The following PCDHGB2 variants were observed in gnomAD, a reference collection of about 807,000 sequenced individuals.
PCDHGB2 encodes protocadherin gamma subfamily B, 2.
A neutral mutation model predicts 59.3 loss-of-function variants in PCDHGB2; 55 were observed. The ratio of observed to expected loss-of-function variants is 0.93; its 90% confidence interval spans 0.75 to 1.16. The LOEUF is 1.16. Ranked by LOEUF, PCDHGB2 falls within the 50% of genes most tolerant of loss-of-function variation. PCDHGB2 has a pLI of 0.00. For synonymous variants in PCDHGB2, 516 were observed against 512.0 expected, an observed-to-expected ratio of 1.01 and a Z score of -0.11; for missense variants, 1,228 against 1,198.5, an observed-to-expected ratio of 1.02 and a Z score of -0.36.
chr5:141,402,807 T>G, intron 1 of PCDHGB2: 2 of 1,165,464 alleles, frequency 1.7e-6, no homozygotes, highest in Non-Finnish European at 2.3e-6. Flanking sequence ...ACCCGGCAGA[T>G]ACCACAAACC....
At chr5:141,424,715 G>A (rs1299933373) in intron 1 of PCDHGB2, 1 of 152,132 alleles carries the variant, frequency 6.6e-6, no homozygotes, top group Admixed American at 6.6e-5. Flanking sequence ...TTTCAGTGTA[G>A]TTGGGAGTCA....
At chr5:141,415,282 G>A in intron 1 of PCDHGB2, 1 of 1,614,224 alleles carries the variant, frequency 6.2e-7, no homozygotes, top group Non-Finnish European at 8.5e-7. Flanking sequence ...AGCGGTGGCC[G>A]CGGTCTCCTG....
Position 141,505,488 on chromosome 5 carries a change from G to A in PCDHGB2, c.2569+7G>A. On this transcript the variant is annotated splice_region_variant and intron_variant, in intron 3 of 3. Transcript: ENST00000522605. Reference sequence around the variant, plus strand: ...ATCTTGGCGTCCGCCAGTGGTAAGTGGTGTCAGTGTGTGTATGGAAGAGTG... The same window carrying A: ...ATCTTGGCGTCCGCCAGTGGTAAGTAGTGTCAGTGTGTGTATGGAAGAGTG... The A allele has an allele frequency of 6.2e-7, 1 of 1,614,222 alleles. No individual in the cohort carries two copies. The highest frequency in any genetic ancestry group is 8.5e-7 in the Non-Finnish European group (1 of 1,180,018).
At position 141,404,691 on chromosome 5, in the gene PCDHGB2, G is replaced by A. The variant is rs200601931; in HGVS notation, c.2421+42135G>A. ...TCTACTGGTGTGGAGCTGGCACCCC[G>A]CTCTGCAGAGCCTGGCTACCTGGTG... is the stretch of plus-strand genomic sequence containing the variant. On this transcript the variant is annotated intron_variant, in intron 1 of 3. Transcript: ENST00000522605. 1.4e-5 allele frequency: 22 copies of A among 1,613,996 alleles called. No individual in the cohort carries two copies. The East Asian group carries it at 3.8e-4, about 28-fold the overall frequency.
chr5:141,405,770 G>A (rs989163026), intron 1 of PCDHGB2, among the ~76,000 whole-genome samples: 9 of 152,030 alleles, frequency 5.9e-5, no homozygotes, highest in South Asian at 4.2e-4. Flanking sequence ...GAGCCACTGC[G>A]CCTGGCCCTT....
chr5:141,383,381 A>G, intron 1 of PCDHGB2: 2 of 1,614,034 alleles, frequency 1.2e-6, no homozygotes, highest in Non-Finnish European at 1.7e-6. Flanking sequence ...GGGGATCCAG[A>G]TGTGGGCACG....
In PCDHGB2 at chr5:141,360,074, G is replaced by T. The variant is rs1338613779; in HGVS notation, c.-62G>T. 2 of 1,478,456 alleles carry T rather than the reference G, an allele frequency of 1.4e-6. No homozygotes were observed. Among genetic ancestry groups the T allele is most frequent in the South Asian group, 1.4e-5 (1 of 70,726 alleles). The allele number at this position is 1,478,456 out of a possible 1,614,324, so 91.6% of individuals were successfully genotyped here. On this transcript the variant is annotated 5_prime_UTR_variant, in exon 1 of 4. Coordinates refer to ENST00000522605, the MANE Select transcript of PCDHGB2 (RefSeq NM_018923.3). ...AAGCAGGAAAAGTGACCTTAGCCCG[G>T]ATTCTGCCATCCCCGGAAGGCTTAT...
At chr5:141,464,929 G>A (rs1358204606) in intron 1 of PCDHGB2, among the ~76,000 whole-genome samples, 1 of 151,878 alleles carries the variant, frequency 6.6e-6, no homozygotes, top group Non-Finnish European at 1.5e-5. Flanking sequence ...TTGTAGAGAT[G>A]TGAGGTCTCA....
chr5:141,390,568 C>G (rs2092182781), intron 1 of PCDHGB2: 3 of 414,984 alleles, frequency 7.2e-6, no homozygotes, highest in East Asian at 4.5e-5. Flanking sequence ...GTTGTTGGCT[C>G]TCTCCTAAAA....
rs1390739125 is a variant in PCDHGB2 at position 141,490,094 on chromosome 5, C to T, written c.2422-4713C>T. ...CTAGACTATTCTTTTGGAGACCACA[C>T]ATCTGAGGCAGTGCGGAACCTCTTT... On this transcript the variant is annotated intron_variant, in intron 1 of 3. Coordinates refer to ENST00000522605, the MANE Select transcript of PCDHGB2 (RefSeq NM_018923.3). This position sits in a 1 kb window ranked among gnomAD's most constrained non-coding sequence, Gnocchi z 5.4. 1 of 1,614,250 alleles carries T rather than the reference C, an allele frequency of 6.2e-7. No individual in the cohort carries two copies. The highest frequency in any genetic ancestry group is 2.2e-5 in the East Asian group (1 of 44,888).
At chr5:141,457,524 G>A (rs1427291573) in intron 1 of PCDHGB2, among the ~76,000 whole-genome samples, 1 of 152,188 alleles carries the variant, frequency 6.6e-6, no homozygotes, top group African/African-American at 2.4e-5. Context: ...CAATTAATGA[G>A]ACTAGGGTTT....
chr5:141,362,555 A>G lies in PCDHGB2; in HGVS notation c.2420A>G (p.Lys807Arg). The G allele has an allele frequency of 6.2e-7, 1 of 1,612,062 alleles. No individual in the cohort carries two copies. Among genetic ancestry groups the G allele is most frequent in the Non-Finnish European group, 8.5e-7 (1 of 1,179,140 alleles). Residue 807 changes from lysine to arginine, a missense_variant and splice_region_variant, in exon 1 of 4, where the codon AAG becomes AGG. Coordinates refer to ENST00000522605, the MANE Select transcript of PCDHGB2 (RefSeq NM_018923.3). The part of the protein sequence containing the change: ...GVPFASDTIL[K>R]QAPPNTDWRF... ...CCTTTTGCCTCAGATACTATTTTGA[A>G]GGTGAGCTTTAATTAATTTATTTTC...
At chr5:141,389,755 T>G in intron 1 of PCDHGB2, 2 of 1,612,872 alleles carry the variant, frequency 1.2e-6, no homozygotes, top group Non-Finnish European at 1.7e-6. Flanking sequence ...ACGGGCGAAG[T>G]GCGCACAGCG....
intron 1 of PCDHGB2, chr5:141,478,333 G>T: frequency 6.2e-7 from 1 of 1,613,928 alleles, no homozygotes; most frequent in Non-Finnish European, 8.5e-7. Context: ...GAACACCAGG[G>T]CCCTCCTTGC....
In PCDHGB2 at chr5:141,485,308, A is replaced by G; in HGVS notation, c.2422-9499A>G. On this transcript the variant is annotated intron_variant, in intron 1 of 3. Coordinates refer to ENST00000522605, the MANE Select transcript of PCDHGB2 (RefSeq NM_018923.3). The surrounding 1 kb of genome is among the most constrained non-coding windows in gnomAD (Gnocchi z 5.7). ...AGGAGTCACAGGAAGGGACTTTTGTAGGGAATGTCGCTCAAGATTTCCTGC... is the reference window on the plus strand; with the variant it reads ...AGGAGTCACAGGAAGGGACTTTTGTGGGGAATGTCGCTCAAGATTTCCTGC... 6.2e-7 allele frequency: 1 copy of G among 1,614,112 alleles called. No individual in the cohort carries two copies. The highest frequency in any genetic ancestry group is 8.5e-7 in the Non-Finnish European group (1 of 1,179,996).
At chr5:141,509,128 A>C (rs995210331) in intron 3 of PCDHGB2, among the ~76,000 whole-genome samples, 8 of 151,958 alleles carry the variant, frequency 5.3e-5, no homozygotes, top group African/African-American at 1.7e-4. Flanking sequence ...TGAAGAGAAA[A>C]ACCGAGGCGC....
chr5:141,443,385 T>G (rs2098386152), intron 1 of PCDHGB2, among the ~76,000 whole-genome samples: 2 of 151,940 alleles, frequency 1.3e-5, no homozygotes, highest in African/African-American at 4.8e-5. Flanking sequence ...CTTGGGAGGC[T>G]GAGGTGTGAG....
intron 1 of PCDHGB2, chr5:141,372,843 T>C (rs1344316065): frequency 6.6e-7 from 1 of 1,510,382 alleles, no homozygotes; most frequent in East Asian, 2.3e-5. Flanking sequence ...TCCATAAATA[T>C]AATTGGGTTT....
intron 1 of PCDHGB2, chr5:141,424,561 T>C (rs972361161): frequency 7.9e-5 from 12 of 152,236 alleles, no homozygotes; most frequent in African/African-American, 2.9e-4. Flanking sequence ...TCAGTGCTTC[T>C]CAAAAACCTA....
Sources: allele counts gnomAD v4.1 joint callset (sites outside exome capture counted in the v4.1 genomes callset), GRCh38; gene constraint gnomAD v4.1.1; non-coding constraint Gnocchi (gnomAD v3.1); transcripts MANE v1.5; gene names NCBI Gene and HGNC (gene_info 2026-07-23, HGNC 2026-07-21).